The following WSB1 variants were observed in gnomAD, a reference collection of about 807,000 sequenced individuals.
The protein encoded by WSB1 is WD repeat and SOCS box containing 1, also known as WD repeat and SOCS box-containing protein 1.
In WSB1, 23 loss-of-function variants were observed where a neutral mutation model predicts 50.2. That is an observed-to-expected ratio of 0.46 (90% confidence interval 0.33 to 0.65). The LOEUF is 0.65. WSB1 is among the 30% of genes least tolerant of loss of function. The pLI is 0.02. For missense variants in WSB1, 492 were observed against 522.3 expected (o/e 0.94, Z 0.56); for synonymous variants, 179 against 172.0 (o/e 1.04, Z -0.32).
chr17:27,310,926 G>T (rs1486478565), intron 7 of WSB1, among the ~76,000 whole-genome samples: 1 of 152,046 alleles, frequency 6.6e-6, no homozygotes, highest in Non-Finnish European at 1.5e-5. Flanking sequence ...TCTCACCACA[G>T]CCTTGATTTT....
Position 27,304,891 on chromosome 17 carries a change from T to C in WSB1, c.590T>C (p.Val197Ala), listed in dbSNP as rs750019614. Residue 197 changes from valine to alanine, a missense_variant, in exon 4 of 9, where the codon GTA becomes GCA. By Grantham distance (64) the Val-to-Ala change is moderately conservative. Transcript: ENST00000262394. ...GCTTCAAGAGACAAAACTCTCAGAG[T>C]ATGGGACCTGAAAGATGATGGTATG... ...VSASRDKTLR[V>A]WDLKDDGNMM... 2.5e-6 allele frequency: 4 copies of C among 1,613,870 alleles called. No individual in the cohort carries two copies. Among genetic ancestry groups the C allele is most frequent in the Non-Finnish European group, 2.5e-6 (3 of 1,179,920 alleles).
At chr17:27,301,288 A>G (rs995271005) in intron 1 of WSB1, among the ~76,000 whole-genome samples, 3 of 152,192 alleles carry the variant, frequency 2.0e-5, no homozygotes, top group Non-Finnish European at 2.9e-5. Flanking sequence ...GGGTAAAAAT[A>G]CTTGTTTGGA....
intron 2 of WSB1, 128 bp downstream of exon 2, chr17:27,302,084 T>C (rs1183022961): frequency 8.5e-7 from 1 of 1,172,362 alleles, no homozygotes; most frequent in African/African-American, 1.6e-5. Flanking sequence ...GTTTTAATCA[T>C]GGGCTGAATA....
At chr17:27,294,978 C>G (rs1385268899) in intron 1 of WSB1, among the ~76,000 whole-genome samples, 2 of 152,152 alleles carry the variant, frequency 1.3e-5, no homozygotes, top group Admixed American at 6.5e-5. Flanking sequence ...TTAGAATTAT[C>G]TTTCAAACAC....
chr17:27,306,361 C>T (rs1345687389), intron 4 of WSB1, among the ~76,000 whole-genome samples: 2 of 151,888 alleles, frequency 1.3e-5, no homozygotes, highest in African/African-American at 4.8e-5. Flanking sequence ...TACCGGCATG[C>T]GCCACCATGC....
chr17:27,309,989 G>A lies in WSB1; in HGVS notation c.885-72G>A. 4 of 1,179,180 alleles carry A rather than the reference G, an allele frequency of 3.4e-6. No individual in the cohort carries two copies. In the South Asian group the frequency reaches 3.8e-5, roughly 11 times the overall value. The allele number at this position is 1,179,180 out of a possible 1,614,324, so 73.0% of individuals were successfully genotyped here. On this transcript the variant is annotated intron_variant, in intron 6 of 8. Coordinates refer to ENST00000262394, the MANE Select transcript of WSB1 (RefSeq NM_015626.10). ...CTTTAAACACTATTCAAAGACAGATGTACTTTGTACCTGGGTAATTTTGTT... is the reference window on the plus strand; with the variant it reads ...CTTTAAACACTATTCAAAGACAGATATACTTTGTACCTGGGTAATTTTGTT...
intron 2 of WSB1, chr17:27,302,970 C>T (rs2017299140): frequency 1.2e-5 from 2 of 170,970 alleles, no homozygotes; most frequent in South Asian, 1.4e-4. Flanking sequence ...TTTTTTTCCC[C>T]CTTTAAGGCA....
intron 3 of WSB1, 104 bp downstream of exon 3, chr17:27,303,739 A>C: frequency 1.4e-6 from 2 of 1,405,494 alleles, no homozygotes; most frequent in East Asian, 4.6e-5. Flanking sequence ...ACTGAAAAGC[A>C]AGAATTGATG....
chr17:27,302,675 T>G (rs914182255), intron 2 of WSB1: 7 of 152,362 alleles, frequency 4.6e-5, no homozygotes, highest in Non-Finnish European at 1.5e-5. Flanking sequence ...TCCACCCTCC[T>G]CAGCCTCCCT....
At chr17:27,298,129 A>G (rs2017066828) in intron 1 of WSB1, among the ~76,000 whole-genome samples, 1 of 147,800 alleles carries the variant, frequency 6.8e-6, no homozygotes, top group Admixed American at 6.7e-5. Flanking sequence ...CGTCTCAGAA[A>G]AAAAAAAAAA....
intron 5 of WSB1, chr17:27,307,112 A>AAG (rs2017494675): frequency 1.2e-5 from 6 of 495,200 alleles, no homozygotes; most frequent in Non-Finnish European, 2.1e-5. Flanking sequence ...TGGGCATATC[A>AAG]GGGTTTTTTT....
intron 1 of WSB1, 31 bp from the exon 2 acceptor site, chr17:27,301,757 T>C (rs762286916): frequency 6.2e-7 from 1 of 1,606,832 alleles, no homozygotes; most frequent in Non-Finnish European, 8.5e-7. Flanking sequence ...TGGTTATATA[T>C]GATATCCAGT....
Position 27,303,619 on chromosome 17 carries a change from A to G in WSB1, c.462A>G (p.Ile154Met), listed in dbSNP as rs1177868589. Residue 154 changes from isoleucine (I) to methionine (M), a missense_variant, in exon 3 of 9, where the codon ATA becomes ATG. Transcript: ENST00000262394. Reference sequence around the variant, plus strand: ...GGTTGAACAATGGGCGTATCAAAATATGGGATGTATATACAGGTATGGATT... The same window carrying G: ...GGTTGAACAATGGGCGTATCAAAATGTGGGATGTATATACAGGTATGGATT... The part of the protein sequence containing the change: ...ATGLNNGRIK[I>M]WDVYTGKLLL... 3 of 1,614,148 alleles carry G rather than the reference A, an allele frequency of 1.9e-6. No homozygotes were observed. Among genetic ancestry groups the G allele is most frequent in the East Asian group, 4.5e-5 (2 of 44,880 alleles).
rs560521467 is a variant in WSB1 at position 27,315,335 on chromosome 17, A to G, written c.*2966A>G. The G allele has an allele frequency of 6.6e-6, 1 of 152,222 alleles. No homozygotes were observed. Among genetic ancestry groups the G allele is most frequent in the Non-Finnish European group, 1.5e-5 (1 of 68,040 alleles). 9.4% of individuals were successfully genotyped at this position (152,222 alleles called of 1,614,324 possible). A position where few individuals can be genotyped will look rare whatever the true frequency, so the allele number is the denominator to read the frequency against. On this transcript the variant is annotated 3_prime_UTR_variant, in exon 9 of 9. Transcript: ENST00000262394. ...ATGGAGTACATGTGAACATAGGAAA[A>G]TCACACTCAGCAGCCAAGCTATCCT... is the stretch of plus-strand genomic sequence containing the variant.
chr17:27,309,408 T>C, intron 6 of WSB1, 136 bp downstream of exon 6: 2 of 817,960 alleles, frequency 2.4e-6, no homozygotes, highest in Non-Finnish European at 3.6e-6. Context: ...ATTTAAGCCC[T>C]TGACTAATGG....
chr17:27,311,564 A>G lies in WSB1; in HGVS notation c.1054A>G (p.Ser352Gly). The change falls in exon 8 of 9, where the codon AGC (serine) becomes GGC (glycine). Residue 352 changes from serine to glycine, a missense_variant. Ser to Gly is a moderately conservative substitution (Grantham distance 56). Coordinates refer to ENST00000262394, the MANE Select transcript of WSB1 (RefSeq NM_015626.10). The stretch of plus-strand genomic sequence containing the variant: ...TTATCCAGTGCAAGTTGCACCTTTG[A>G]GCAATGGTCTTTGCTGTGCCTTCTC... ...EDYPVQVAPL[S>G]NGLCCAFSTD... is the part of the protein sequence containing the mutation. The G allele has an allele frequency of 6.2e-7, 1 of 1,605,770 alleles. No individual in the cohort carries two copies. Among genetic ancestry groups the G allele is most frequent in the Non-Finnish European group, 8.5e-7 (1 of 1,176,286 alleles).
At chr17:27,297,848 G>C (rs897176608) in intron 1 of WSB1, among the ~76,000 whole-genome samples, 1 of 151,876 alleles carries the variant, frequency 6.6e-6, no homozygotes, top group East Asian at 1.9e-4. Context: ...TGGCTCATGC[G>C]TGTAATCCCA....
chr17:27,305,564 C>T (rs2017416842), intron 4 of WSB1, among the ~76,000 whole-genome samples: 1 of 152,198 alleles, frequency 6.6e-6, no homozygotes, highest in Non-Finnish European at 1.5e-5. Flanking sequence ...TTAACTAAAA[C>T]CTTAAATGTA....
rs1226051359 is a variant in WSB1 at position 27,311,569 on chromosome 17, T to C, written c.1059T>C (p.Asn353=). 10 of 1,611,812 alleles carry C rather than the reference T, an allele frequency of 6.2e-6. No individual in the cohort carries two copies. The highest frequency in any genetic ancestry group is 2.7e-5 in the African/African-American group (2 of 74,702). Residue 353 remains asparagine (N), a synonymous_variant, in exon 8 of 9, where the codon AAT becomes AAC. Coordinates refer to ENST00000262394, the MANE Select transcript of WSB1 (RefSeq NM_015626.10). ...CAGTGCAAGTTGCACCTTTGAGCAA[T>C]GGTCTTTGCTGTGCCTTCTCTACTG... The part of the protein sequence containing the change: ...DYPVQVAPLS[N]GLCCAFSTDG...
Sources: gnomAD v4.1 joint callset for allele counts (sites outside exome capture counted in the v4.1 genomes callset) on GRCh38, gnomAD v4.1.1 for gene constraint, MANE v1.5 for transcripts, NCBI Gene and HGNC (gene_info 2026-07-23, HGNC 2026-07-21) for gene names.